TERF1: variants seen among roughly 807,000 people sequenced by gnomAD.
TERF1 encodes telomeric repeat-binding factor 1.
In TERF1, 20 loss-of-function variants were observed where a neutral mutation model predicts 55.1. The observed-to-expected ratio is 0.36, with a 90% CI of 0.26 to 0.53. The LOEUF is 0.53. Ranked by LOEUF, TERF1 falls within the 20% of genes least tolerant of loss-of-function variation. The pLI, the probability that TERF1 is intolerant of heterozygous loss-of-function variation, is 0.91. For synonymous variants in TERF1, 168 were observed against 181.2 expected (o/e 0.93, Z 0.59); for missense variants, 439 against 535.7 (o/e 0.82, Z 1.78).
chr8:73,012,728 A>T (rs1808334796), intron 1 of TERF1: 2 of 268,296 alleles, frequency 7.5e-6, no homozygotes, highest in South Asian at 6.9e-5. Context: ...GTAAACTTTC[A>T]ATTTGTAAAA....
intron 8 of TERF1, among the ~76,000 whole-genome samples, chr8:73,037,844 AATATATAATATATAAATATG>A (rs1586064428): frequency 1.1e-5 from 1 of 94,868 alleles, no homozygotes; most frequent in Non-Finnish European, 2.0e-5. Flanking sequence ...TAATATATAT[AATATATAATATATAAATATG>A]ATATATAATA....
intron 6 of TERF1, 122 bp downstream of exon 6, chr8:73,027,174 C>T: frequency 1.4e-6 from 1 of 720,030 alleles, no homozygotes; most frequent in Non-Finnish European, 2.2e-6. Flanking sequence ...TGATGATTAA[C>T]ATTTAGGTAT....
chr8:73,039,926 T>C (rs1809764168), intron 9 of TERF1, among the ~76,000 whole-genome samples: 1 of 151,488 alleles, frequency 6.6e-6, no homozygotes, highest in Admixed American at 6.6e-5. Flanking sequence ...GCTGGGACTG[T>C]AGGCATGAGC....
Position 73,026,947 on chromosome 8 carries a change from C to T in TERF1, c.782C>T (p.Ala261Val), listed in dbSNP as rs1210877299. 6.2e-7 allele frequency: 1 copy of T among 1,610,708 alleles called. No individual in the cohort carries two copies. Among genetic ancestry groups the T allele is most frequent in the East Asian group, 2.2e-5 (1 of 44,816 alleles). Residue 261 changes from alanine to valine, a missense_variant, in exon 6 of 10, where the codon GCA becomes GTA. Coordinates refer to ENST00000276603, the MANE Select transcript of TERF1 (RefSeq NM_017489.3). ...CCACGCACGTTTTTTAAGGCAGCGG[C>T]AAAAGTAGTAGAAAGCAAAAGGACA... The part of the protein sequence containing the change: ...KSSTFLMKAA[A>V]KVVESKRTRT...
chr8:73,038,372 G>C (rs1809693135), intron 8 of TERF1, among the ~76,000 whole-genome samples: 1 of 151,854 alleles, frequency 6.6e-6, no homozygotes, highest in African/African-American at 2.4e-5. Flanking sequence ...GGGAGGATAA[G>C]GCAGAAGTAT....
chr8:73,043,034 C>T (rs957173709), intron 9 of TERF1: 2 of 152,120 alleles, frequency 1.3e-5, no homozygotes, highest in African/African-American at 4.8e-5. Flanking sequence ...GTTTTAAGCA[C>T]AATAGTAGAC....
At chr8:73,037,886 GATATATAATATATATAAATATGATATA>G (rs1227572772) in intron 8 of TERF1, among the ~76,000 whole-genome samples, 6 of 106,664 alleles carry the variant, frequency 5.6e-5, no homozygotes, top group Admixed American at 2.7e-4. Context: ...ATATAAATAT[GATATATAATATATATAAATATGATATA>G]ATATATAATA....
chr8:73,032,164 G>T (rs776928356), intron 8 of TERF1, 31 bp downstream of exon 8: 3 of 1,470,664 alleles, frequency 2.0e-6, no homozygotes, highest in African/African-American at 1.4e-5. Context: ...TTTAGAAGGG[G>T]AGAATTGATG....
intron 9 of TERF1, among the ~76,000 whole-genome samples, chr8:73,040,534 G>A (rs964790663): frequency 1.3e-5 from 2 of 152,094 alleles, no homozygotes; most frequent in African/African-American, 4.8e-5. Context: ...TCATGCATAT[G>A]TTTTGTGCTG....
At chr8:73,027,316 G>T (rs1809054011) in intron 6 of TERF1, among the ~76,000 whole-genome samples, 1 of 152,294 alleles carries the variant, frequency 6.6e-6, no homozygotes, top group South Asian at 2.1e-4. Flanking sequence ...AGGAACAAGG[G>T]TGAGGTTGGA....
Position 73,022,248 on chromosome 8 carries a change from T to A in TERF1, c.570T>A (p.Phe190Leu). ...CTGTTTGTATGGAAAATGGCAACTT[T>A]AAAGAAGCAGAAGAAGTCTTTGAAA... ...AIAVCMENGN[F>L]KEAEEVFERI... The change falls in exon 4 of 10, where the codon TTT becomes TTA. Residue 190 changes from phenylalanine (F) to leucine (L), a missense_variant. By Grantham distance (22) the Phe-to-Leu change is conservative. Around this residue, in one of 4 missense-constraint regions of TERF1, gnomAD observed 95 missense variants for 167.2 expected, o/e 0.57. Transcript: ENST00000276603. 1 of 1,591,636 alleles carries A rather than the reference T, an allele frequency of 6.3e-7. No homozygotes were observed. Among genetic ancestry groups the A allele is most frequent in the Non-Finnish European group, 8.5e-7 (1 of 1,172,786 alleles).
chr8:73,014,821 G>C lies in TERF1; in HGVS notation c.415+831G>C, dbSNP rs920966981. Among the ~76,000 whole-genome samples the C allele has an allele frequency of 3.9e-5, 6 of 152,166 alleles. No individual in the cohort carries two copies. The South Asian group carries it at 1.0e-3, about 26-fold the overall frequency. On this transcript the variant is annotated intron_variant, in intron 2 of 9. Transcript: ENST00000276603. The stretch of plus-strand genomic sequence containing the variant: ...TGGCTGATGTAGTCTGCTTTGTTTG[G>C]GGGGTGAGGGTAGGTCTGGAGTTGG...
At chr8:73,020,643 T>C in intron 2 of TERF1, 41 bp from the exon 3 acceptor site, 1 of 1,558,138 alleles carries the variant, frequency 6.4e-7, no homozygotes, top group Non-Finnish European at 8.7e-7. Flanking sequence ...AAAGTTCTAC[T>C]TAGCTTTCTG....
chr8:73,037,717 A>G (rs1267584649), intron 8 of TERF1, among the ~76,000 whole-genome samples: 1 of 84,568 alleles, frequency 1.2e-5, no homozygotes, highest in South Asian at 2.6e-4. Context: ...TATTATATAT[A>G]ATATATATTA....
At position 73,009,215 on chromosome 8, in the gene TERF1, G is replaced by C. The variant is rs757354613; in HGVS notation, c.319+10G>C. On this transcript the variant is annotated intron_variant, in intron 1 of 9. Transcript: ENST00000276603. Reference sequence around the variant, plus strand: ...CGCAACAGCGCAGAGGGTGAGTGCAGACCGCGTCCGGGCCGGGACTACGCG... The same window carrying C: ...CGCAACAGCGCAGAGGGTGAGTGCACACCGCGTCCGGGCCGGGACTACGCG... 1.9e-6 allele frequency: 3 copies of C among 1,604,572 alleles called. No homozygotes were observed. Among genetic ancestry groups the C allele is most frequent in the East Asian group, 2.2e-5 (1 of 44,696 alleles).
intron 2 of TERF1, among the ~76,000 whole-genome samples, chr8:73,014,553 G>A (rs955399815): frequency 6.6e-6 from 1 of 152,178 alleles, no homozygotes; most frequent in Non-Finnish European, 1.5e-5. Context: ...ATTTTAGATT[G>A]TAATGGGCAA....
intron 2 of TERF1, among the ~76,000 whole-genome samples, chr8:73,015,426 G>A (rs912199462): frequency 2.0e-5 from 3 of 151,680 alleles, no homozygotes; most frequent in Non-Finnish European, 2.9e-5. Context: ...AGTAGGCCAG[G>A]CATAGTGACT....
rs1229188846 is a variant in TERF1, at chr8:73,026,929, C to T, written c.775-11C>T. ...CTTCCTATCCTTCTACCTCCACGCACGTTTTTTAAGGCAGCGGCAAAAGTA... is the reference window on the plus strand; with the variant it reads ...CTTCCTATCCTTCTACCTCCACGCATGTTTTTTAAGGCAGCGGCAAAAGTA... On this transcript the variant is annotated splice_polypyrimidine_tract_variant and intron_variant, in intron 5 of 9. Coordinates refer to ENST00000276603, the MANE Select transcript of TERF1 (RefSeq NM_017489.3). 3.7e-6 allele frequency: 6 copies of T among 1,605,812 alleles called. No homozygotes were observed. Among genetic ancestry groups the T allele is most frequent in the East Asian group, 2.2e-5 (1 of 44,766 alleles).
chr8:73,030,216 A>G (rs1809224745), intron 6 of TERF1, 120 bp from the exon 7 acceptor site: 1 of 627,132 alleles, frequency 1.6e-6, no homozygotes, highest in East Asian at 3.3e-5. Context: ...GATGTTACCA[A>G]GGTTTCTTTC....
Sources: gnomAD v4.1 joint callset for allele counts (sites outside exome capture counted in the v4.1 genomes callset) on GRCh38, gnomAD v4.1.1 for gene constraint, gnomAD v4.1.1 regional missense constraint, MANE v1.5 for transcripts, NCBI Gene and HGNC (gene_info 2026-07-23, HGNC 2026-07-21) for gene names.